Variants in FAM53A observed in about 807,000 individuals in gnomAD.
The protein encoded by FAM53A is family with sequence similarity 53 member A, also known as protein FAM53A.
In FAM53A, 28 loss-of-function variants were observed where a neutral mutation model predicts 26.6. That is an observed-to-expected ratio of 1.05 (90% CI 0.78 to 1.45). The LOEUF is 1.45. Ranked by LOEUF, FAM53A falls within the 40% of genes most tolerant of loss-of-function variation. The pLI is 0.00. For synonymous variants in FAM53A, 290 were observed against 253.1 expected, an observed-to-expected ratio of 1.15 and a Z score of -1.38; for missense variants, 650 against 575.8, an observed-to-expected ratio of 1.13 and a Z score of -1.32.
intron 1 of FAM53A, among the ~76,000 whole-genome samples, chr4:1,682,318 A>G (rs1310850853): frequency 4.2e-5 from 6 of 141,228 alleles, no homozygotes; most frequent in Non-Finnish European, 9.0e-5. Context: ...GGTGGCGTGC[A>G]GTGGCGCCAT....
At chr4:1,580,822 C>T in the FAM53A span, among the ~76,000 whole-genome samples, 1 of 122,278 alleles carries the variant, frequency 8.2e-6, no homozygotes, top group South Asian at 2.9e-4. Flanking sequence ...GGCCCCGCCT[C>T]CCACCCAGGT....
downstream of FAM53A, among the ~76,000 whole-genome samples, chr4:1,616,929 G>A (rs551601520): frequency 2.1e-4 from 32 of 152,158 alleles, no homozygotes; most frequent in Non-Finnish European, 4.6e-4. Flanking sequence ...TTGAAATCAG[G>A]AGTTCAAGAC....
At chr4:1,588,630 G>A in the FAM53A span, among the ~76,000 whole-genome samples, 6 of 152,248 alleles carry the variant, frequency 3.9e-5, no homozygotes, top group African/African-American at 1.4e-4. Context: ...TCCTCAAGAC[G>A]AATTCTCCAG....
chr4:1,592,187 G>A, the FAM53A span, among the ~76,000 whole-genome samples: 3 of 152,018 alleles, frequency 2.0e-5, no homozygotes, highest in Non-Finnish European at 2.9e-5. Flanking sequence ...GAACCCACCT[G>A]ATACCATCAA....
chr4:1,616,721 G>A (rs937650492), downstream of FAM53A, among the ~76,000 whole-genome samples: 1 of 152,260 alleles, frequency 6.6e-6, no homozygotes, highest in Non-Finnish European at 1.5e-5. Context: ...TTGGATTGGT[G>A]ACAGTCACAC....
At chr4:1,618,414 A>G (rs1021934361) in intron 1 of FAM53A, among the ~76,000 whole-genome samples, 1 of 152,162 alleles carries the variant, frequency 6.6e-6, no homozygotes, top group Non-Finnish European at 1.5e-5. Flanking sequence ...CCAGGCCCAA[A>G]TGTCCCTGGG....
At chr4:1,607,004 G>A in the FAM53A span, among the ~76,000 whole-genome samples, 1 of 152,198 alleles carries the variant, frequency 6.6e-6, no homozygotes, top group African/African-American at 2.4e-5. Flanking sequence ...CACAACGCTT[G>A]CCACTTTCTG....
At chr4:1,621,729 C>T (rs538971316) in intron 1 of FAM53A, among the ~76,000 whole-genome samples, 1 of 152,356 alleles carries the variant, frequency 6.6e-6, no homozygotes, top group South Asian at 2.1e-4. Context: ...GCTCTGAGAC[C>T]CCAGCCTGGG....
intron 3 of FAM53A, among the ~76,000 whole-genome samples, chr4:1,656,095 G>A (rs1460117287): frequency 1.3e-5 from 2 of 152,166 alleles, no homozygotes; most frequent in Non-Finnish European, 2.9e-5. Context: ...AAGGATGTGC[G>A]GCTACCCCGG....
chr4:1,624,971 A>C (rs1471068942), intron 1 of FAM53A, among the ~76,000 whole-genome samples: 3 of 139,564 alleles, frequency 2.1e-5, no homozygotes, highest in Non-Finnish European at 4.5e-5. Flanking sequence ...GTCCCGGCCC[A>C]CGTGGTCAGG....
chr4:1,579,407 C>T, the FAM53A span, among the ~76,000 whole-genome samples: 316 of 152,036 alleles, frequency 2.1e-3, 3 homozygotes, highest in African/African-American at 7.2e-3. Context: ...ATGTCAAGCC[C>T]CTGCGTGGGC....
At chr4:1,657,049 C>T (rs1713439178) in intron 3 of FAM53A, among the ~76,000 whole-genome samples, 1 of 152,230 alleles carries the variant, frequency 6.6e-6, no homozygotes, top group South Asian at 2.1e-4. Flanking sequence ...ATGGCACGCT[C>T]CAGCTGACGC....
downstream of FAM53A, among the ~76,000 whole-genome samples, chr4:1,615,189 C>T (rs1412006480): frequency 6.6e-6 from 1 of 151,404 alleles, no homozygotes; most frequent in East Asian, 2.0e-4. Context: ...GCCCACCCTA[C>T]TTGGGCACAC....
intron 1 of FAM53A, among the ~76,000 whole-genome samples, chr4:1,625,600 C>CCA (rs1715255602): frequency 1.1e-5 from 1 of 92,298 alleles, no homozygotes; most frequent in African/African-American, 4.6e-5. Flanking sequence ...TCAGAAGCCC[C>CCA]CATGTCCCGA....
chr4:1,658,611 C>T lies in FAM53A; in HGVS notation c.76-1143G>A, dbSNP rs536922124. ...GCAGGAAAGCCACAGGGCGTGGTGG[C>T]AGCTGGAGGGTCTATAGGGAGGGCA... On this transcript the variant is annotated intron_variant, in intron 2 of 4. Transcript: ENST00000308132. Among the ~76,000 whole-genome samples the T allele has an allele frequency of 2.0e-5, 3 of 152,358 alleles. No homozygotes were observed. The East Asian group carries it at 5.8e-4, about 29-fold the overall frequency.
At chr4:1,677,778 C>T (rs1283151079) in intron 1 of FAM53A, among the ~76,000 whole-genome samples, 1 of 152,124 alleles carries the variant, frequency 6.6e-6, no homozygotes, top group Admixed American at 6.5e-5. Flanking sequence ...AACCCCATCT[C>T]TACTAAAAAT....
chr4:1,596,366 G>C, the FAM53A span, among the ~76,000 whole-genome samples: 2 of 152,208 alleles, frequency 1.3e-5, no homozygotes, highest in African/African-American at 2.4e-5. Flanking sequence ...TTCACATACA[G>C]TTATGAGAAA....
chr4:1,644,089 C>T, intron 4 of FAM53A: 2 of 1,447,986 alleles, frequency 1.4e-6, no homozygotes, highest in Non-Finnish European at 1.8e-6. Context: ...CGTGACCTTG[C>T]AGACTCTGGC....
At chr4:1,577,612 C>T in the FAM53A span, among the ~76,000 whole-genome samples, 6 of 152,182 alleles carry the variant, frequency 3.9e-5, no homozygotes, top group African/African-American at 1.4e-4. Context: ...GGCAGGTTCC[C>T]CGGCTGCCTG....
Sources: allele counts gnomAD v4.1 joint callset (sites outside exome capture counted in the v4.1 genomes callset), GRCh38; gene constraint gnomAD v4.1.1; transcripts MANE v1.5; gene names NCBI Gene and HGNC (gene_info 2026-07-23, HGNC 2026-07-21).